IL1RAPL1: variants seen among roughly 807,000 people sequenced by gnomAD.
IL1RAPL1 encodes interleukin 1 receptor accessory protein like 1, also known as interleukin-1 receptor accessory protein-like 1.
In IL1RAPL1, 3 loss-of-function variants were observed where a neutral mutation model predicts 48.4. That is an observed-to-expected ratio of 0.06 (90% CI 0.03 to 0.16). The LOEUF is 0.16. Among genes scored for constraint, IL1RAPL1 ranks in the 10% least tolerant of loss-of-function variants. The pLI is 1.00. For synonymous variants in IL1RAPL1, 185 were observed against 187.7 expected (o/e 0.99, Z 0.12); for missense variants, 349 against 530.6 (o/e 0.66, Z 3.36).
intron 1 of IL1RAPL1, among the ~76,000 whole-genome samples, chrX:28,609,032 CAT>C (rs1474693965): frequency 8.9e-6 from 1 of 111,868 alleles, no homozygotes; most frequent in East Asian, 2.8e-4. Flanking sequence ...AAATAAGTGA[CAT>C]ATTTTAATTT....
At chrX:29,473,218 C>T (rs1437287461) in intron 5 of IL1RAPL1, among the ~76,000 whole-genome samples, 1 of 111,449 alleles carries the variant, frequency 9.0e-6, no homozygotes, top group Non-Finnish European at 1.9e-5. Context: ...TCTCTTTGTG[C>T]AAATTTTTGT....
At chrX:28,720,793 TCC>T (rs956709110) in intron 1 of IL1RAPL1, among the ~76,000 whole-genome samples, 1 of 111,321 alleles carries the variant, frequency 9.0e-6, no homozygotes, top group Non-Finnish European at 1.9e-5. Flanking sequence ...ATGTTCCCCT[TCC>T]TGTGTCCAGG....
intron 9 of IL1RAPL1, among the ~76,000 whole-genome samples, chrX:29,949,010 G>C (rs1041202685): frequency 3.6e-5 from 4 of 111,667 alleles, no homozygotes; most frequent in Non-Finnish European, 7.5e-5. Flanking sequence ...CCTTCAACTT[G>C]AAAAGTGAGT....
At chrX:29,214,392 A>G (rs772897122) in intron 2 of IL1RAPL1, among the ~76,000 whole-genome samples, 11 of 111,583 alleles carry the variant, frequency 9.9e-5, no homozygotes, top group Admixed American at 1.9e-4. Flanking sequence ...TGTGGTTTTA[A>G]ATATTCCAGG....
chrX:29,345,810 AC>A (rs948052903), intron 3 of IL1RAPL1, among the ~76,000 whole-genome samples: 2 of 111,887 alleles, frequency 1.8e-5, no homozygotes, highest in Non-Finnish European at 3.8e-5. Context: ...ATATGTTTGT[AC>A]AAACATGAAT....
chrX:29,483,972 C>T (rs112356260), intron 5 of IL1RAPL1, among the ~76,000 whole-genome samples: 3,507 of 100,389 alleles, frequency 0.035, 62 homozygotes, highest in Middle Eastern at 0.073. Flanking sequence ...GTACTGCAGG[C>T]GTGAGCCACT....
chrX:29,600,449 T>G (rs6526898), intron 5 of IL1RAPL1, among the ~76,000 whole-genome samples: 51,954 of 110,413 alleles, frequency 0.47, 10,504 homozygotes, highest in African/African-American at 0.78. Context: ...TGGACTCTGT[T>G]AGGGTCCTTG....
chrX:29,933,881 C>G (rs1197394435), intron 8 of IL1RAPL1, among the ~76,000 whole-genome samples: 1 of 110,090 alleles, frequency 9.1e-6, no homozygotes, highest in African/African-American at 3.3e-5. Flanking sequence ...GAGAAGGTGC[C>G]GTATGAGCAG....
intron 6 of IL1RAPL1, among the ~76,000 whole-genome samples, chrX:29,793,647 CAAT>C (rs1929682302): frequency 9.0e-6 from 1 of 111,644 alleles, no homozygotes; most frequent in Non-Finnish European, 1.9e-5. Context: ...ATATTTATTG[CAAT>C]AATCATTATC....
chrX:29,258,086 G>A (rs1483175070), intron 2 of IL1RAPL1, among the ~76,000 whole-genome samples: 5 of 110,594 alleles, frequency 4.5e-5, no homozygotes. Flanking sequence ...ACTTTACAGA[G>A]AGGAACAAAT....
intron 1 of IL1RAPL1, among the ~76,000 whole-genome samples, chrX:28,704,025 T>C (rs1490988942): frequency 8.9e-6 from 1 of 111,830 alleles, no homozygotes; most frequent in Non-Finnish European, 1.9e-5. Flanking sequence ...ATGGAGTATA[T>C]AATTGGATAT....
chrX:29,056,714 C>T (rs1298505949), intron 2 of IL1RAPL1, among the ~76,000 whole-genome samples: 6 of 111,455 alleles, frequency 5.4e-5, no homozygotes, highest in Non-Finnish European at 5.7e-5. Flanking sequence ...TGCTGGTTTG[C>T]TCTACCTATC....
At chrX:29,788,173 C>T (rs972951368) in intron 6 of IL1RAPL1, among the ~76,000 whole-genome samples, 9 of 111,193 alleles carry the variant, frequency 8.1e-5, no homozygotes, top group Non-Finnish European at 1.7e-4. Context: ...TGCATTTATT[C>T]AGAAACAAAG....
chrX:29,657,736 A>G (rs1421280216), intron 5 of IL1RAPL1, among the ~76,000 whole-genome samples: 1 of 111,064 alleles, frequency 9.0e-6, no homozygotes, highest in Non-Finnish European at 1.9e-5. Flanking sequence ...ATCATTTTGC[A>G]TACTGCCTCA....
chrX:29,934,713 C>A (rs1313836616), intron 8 of IL1RAPL1, among the ~76,000 whole-genome samples: 2 of 111,653 alleles, frequency 1.8e-5, no homozygotes, highest in African/African-American at 3.3e-5. Flanking sequence ...CACAACATAT[C>A]ATTGCTAAAC....
intron 1 of IL1RAPL1, among the ~76,000 whole-genome samples, chrX:28,666,066 G>A (rs1418017385): frequency 8.9e-6 from 1 of 111,847 alleles, no homozygotes; most frequent in African/African-American, 3.3e-5. Flanking sequence ...CTTATCCAGT[G>A]GATGGTTCAG....
chrX:28,688,390 A>G (rs73205776), intron 1 of IL1RAPL1, among the ~76,000 whole-genome samples: 68 of 110,203 alleles, frequency 6.2e-4, no homozygotes, highest in Middle Eastern at 9.3e-3. Flanking sequence ...TTAGTTTTGT[A>G]GAAACAAGGT....
chrX:28,753,070 A>G (rs1441351258), intron 1 of IL1RAPL1, among the ~76,000 whole-genome samples: 3 of 111,854 alleles, frequency 2.7e-5, no homozygotes, highest in African/African-American at 9.8e-5. Flanking sequence ...GAGGCTGCCT[A>G]TTTGTGCAGA....
At chrX:28,630,619 G>A (rs1282932170) in intron 1 of IL1RAPL1, among the ~76,000 whole-genome samples, 2 of 111,594 alleles carry the variant, frequency 1.8e-5, no homozygotes, top group African/African-American at 6.5e-5. Context: ...TCCTAATTCA[G>A]GTTTTCTATT....
Sources: allele counts gnomAD v4.1 joint callset (sites outside exome capture counted in the v4.1 genomes callset), GRCh38; gene constraint gnomAD v4.1.1; transcripts MANE v1.5; gene names NCBI Gene and HGNC (gene_info 2026-07-23, HGNC 2026-07-21).